The following MEIS1 variants were observed in gnomAD, a reference collection of about 807,000 sequenced individuals.
The protein encoded by MEIS1 is Meis homeobox 1, also known as homeobox protein Meis1.
In MEIS1, 5 loss-of-function variants were observed where a neutral mutation model predicts 50.8. That is an observed-to-expected ratio of 0.10 (90% CI 0.05 to 0.21). The LOEUF (loss-of-function observed/expected upper bound fraction) is 0.21, where lower values mean the gene tolerates loss of function less well. Ranked by LOEUF, MEIS1 falls within the 10% of genes least tolerant of loss-of-function variation. MEIS1 has a pLI of 1.00. For synonymous variants in MEIS1, 176 were observed against 179.3 expected, an observed-to-expected ratio of 0.98 and a Z score of 0.15; for missense variants, 318 against 517.3, an observed-to-expected ratio of 0.61 and a Z score of 3.74.
intron 6 of MEIS1, among the ~76,000 whole-genome samples, chr2:66,444,666 G>A (rs990315936): frequency 1.3e-5 from 2 of 152,204 alleles, no homozygotes; most frequent in East Asian, 3.9e-4. Context: ...GCCCCCGCGG[G>A]CGGCCCGGGC....
chr2:66,449,068 A>G (rs1672221980), intron 6 of MEIS1, among the ~76,000 whole-genome samples: 1 of 152,144 alleles, frequency 6.6e-6, no homozygotes, highest in African/African-American at 2.4e-5. Flanking sequence ...TTTAAGAATT[A>G]AATAAAAATT....
chr2:66,555,817 C>T (rs1675048665), intron 9 of MEIS1, among the ~76,000 whole-genome samples: 1 of 152,152 alleles, frequency 6.6e-6, no homozygotes, highest in Non-Finnish European at 1.5e-5. Flanking sequence ...GTTAAAAAGT[C>T]AGCCTGAAAT....
chr2:66,567,882 T>C (rs1675389265), intron 10 of MEIS1: 1 of 472,112 alleles, frequency 2.1e-6, no homozygotes, highest in African/African-American at 1.9e-5. Context: ...TAAACTTTAT[T>C]ACCTGTCAAA....
intron 7 of MEIS1, among the ~76,000 whole-genome samples, chr2:66,469,652 CAG>C (rs971002401): frequency 2.6e-5 from 4 of 152,168 alleles, no homozygotes; most frequent in Non-Finnish European, 5.9e-5. Flanking sequence ...ACATTTCGCA[CAG>C]AGTTTGGGCT....
chr2:66,474,169 C>T (rs955719730), intron 7 of MEIS1, among the ~76,000 whole-genome samples: 4 of 152,000 alleles, frequency 2.6e-5, no homozygotes, highest in Non-Finnish European at 5.9e-5. Flanking sequence ...AGGTCTTGAC[C>T]TTAAATCATG....
Position 66,571,702 on chromosome 2 carries a change from G to A in MEIS1, c.*494G>A. On this transcript the variant is annotated 3_prime_UTR_variant, in exon 13 of 13. Coordinates refer to ENST00000272369, the MANE Select transcript of MEIS1 (RefSeq NM_002398.3). ...CAACTGAAGTCAATTTGGGGGACATGCTAAATAACTATATAAGACATTAAG... is the reference window on the plus strand; with the variant it reads ...CAACTGAAGTCAATTTGGGGGACATACTAAATAACTATATAAGACATTAAG... 1.5e-6 allele frequency: 1 copy of A among 660,296 alleles called. No homozygotes were observed. Among genetic ancestry groups the A allele is most frequent in the Non-Finnish European group, 2.6e-6 (1 of 390,682 alleles). The allele number at this position is 660,296 out of a possible 1,614,324, so 40.9% of individuals were successfully genotyped here.
intron 8 of MEIS1, among the ~76,000 whole-genome samples, chr2:66,531,932 TAA>T: frequency 6.8e-6 from 1 of 146,020 alleles, no homozygotes; most frequent in African/African-American, 2.5e-5. Context: ...GGCTCTCAGT[TAA>T]AAAAAAAAAA....
intron 7 of MEIS1, among the ~76,000 whole-genome samples, chr2:66,509,609 T>G (rs780712105): frequency 2.0e-5 from 3 of 152,252 alleles, no homozygotes; most frequent in Non-Finnish European, 4.4e-5. Flanking sequence ...TTCTCCATTG[T>G]ATCTACATAA....
At chr2:66,534,261 C>T (rs182913352) in intron 8 of MEIS1, among the ~76,000 whole-genome samples, 12 of 152,198 alleles carry the variant, frequency 7.9e-5, no homozygotes, top group South Asian at 2.1e-4. Context: ...TTGGGCCGGG[C>T]GCAGTGGCTC....
intron 8 of MEIS1, among the ~76,000 whole-genome samples, chr2:66,516,409 C>G (rs1199033737): frequency 1.3e-5 from 2 of 152,172 alleles, no homozygotes; most frequent in Non-Finnish European, 2.9e-5. Flanking sequence ...CTCTCTCCTA[C>G]TCCCCATCCA....
intron 9 of MEIS1, among the ~76,000 whole-genome samples, chr2:66,553,537 T>A (rs1427764111): frequency 6.6e-6 from 1 of 152,226 alleles, no homozygotes; most frequent in East Asian, 1.9e-4. Context: ...AGCTTGCATA[T>A]TGCCTGAGAC....
At chr2:66,526,180 G>A (rs1674246547) in intron 8 of MEIS1, among the ~76,000 whole-genome samples, 1 of 152,146 alleles carries the variant, frequency 6.6e-6, no homozygotes, top group African/African-American at 2.4e-5. Flanking sequence ...AAGATCTAAG[G>A]AATTATTATA....
chr2:66,513,041 T>A (rs1673872116), intron 8 of MEIS1, among the ~76,000 whole-genome samples: 2 of 152,182 alleles, frequency 1.3e-5, no homozygotes, highest in African/African-American at 4.8e-5. Context: ...ATGAATTTCA[T>A]GTTCAAAATA....
chr2:66,569,162 T>C lies in MEIS1; in HGVS notation c.*37+17T>C. On this transcript the variant is annotated intron_variant, in intron 12 of 12. Transcript: ENST00000272369. ...AAGGGGGAAGTAAGTACAAATGGGGTCTTTGTTTTCACTTTGTCCTAGGAA... is the reference window on the plus strand; with the variant it reads ...AAGGGGGAAGTAAGTACAAATGGGGCCTTTGTTTTCACTTTGTCCTAGGAA... 6.3e-7 allele frequency: 1 copy of C among 1,587,298 alleles called. No homozygotes were observed. Among genetic ancestry groups the C allele is most frequent in the Non-Finnish European group, 8.6e-7 (1 of 1,164,784 alleles).
At chr2:66,509,021 C>G (rs1045436709) in intron 7 of MEIS1, 4 of 471,026 alleles carry the variant, frequency 8.5e-6, no homozygotes, top group African/African-American at 2.0e-5. Context: ...CGGCGGTTCT[C>G]CAAGTTTGTT....
At chr2:66,542,790 A>G (rs1408498102) in intron 8 of MEIS1, among the ~76,000 whole-genome samples, 1 of 152,104 alleles carries the variant, frequency 6.6e-6, no homozygotes, top group Non-Finnish European at 1.5e-5. Context: ...GATGTTATTG[A>G]AACTTGGTTA....
intron 8 of MEIS1, among the ~76,000 whole-genome samples, chr2:66,521,609 TA>T (rs1674123405): frequency 6.6e-6 from 1 of 152,206 alleles, no homozygotes; most frequent in Admixed American, 6.5e-5. Context: ...GAATAAAATG[TA>T]ATTTTAGTAA....
intron 6 of MEIS1, among the ~76,000 whole-genome samples, chr2:66,461,249 A>G (rs1195509154): frequency 6.6e-6 from 1 of 152,190 alleles, no homozygotes; most frequent in Non-Finnish European, 1.5e-5. Context: ...GTAACCGCAT[A>G]TAGTCACAGA....
intron 7 of MEIS1, among the ~76,000 whole-genome samples, chr2:66,480,651 G>A (rs1672994811): frequency 1.3e-5 from 2 of 152,158 alleles, no homozygotes; most frequent in African/African-American, 4.8e-5. Flanking sequence ...TGTGAGAACA[G>A]ACCCTTTGAA....
Sources: gnomAD v4.1 joint callset for allele counts (sites outside exome capture counted in the v4.1 genomes callset) on GRCh38, gnomAD v4.1.1 for gene constraint, MANE v1.5 for transcripts, NCBI Gene and HGNC (gene_info 2026-07-23, HGNC 2026-07-21) for gene names.